CLEC16A: variants seen among roughly 807,000 people sequenced by gnomAD.
CLEC16A encodes C-type lectin domain containing 16A.
CLEC16A carries 51 observed loss-of-function variants against 109.5 expected under a neutral mutation model. That is an observed-to-expected ratio of 0.47 (90% CI 0.37 to 0.59). The LOEUF (loss-of-function observed/expected upper bound fraction) is 0.59, where lower values mean the gene tolerates loss of function less well. Ranked by LOEUF, CLEC16A falls within the 20% of genes least tolerant of loss-of-function variation. CLEC16A has a pLI of 0.00. For synonymous variants in CLEC16A, 673 were observed against 564.2 expected, an observed-to-expected ratio of 1.19 and a Z score of -2.73; for missense variants, 1,339 against 1,394.0, an observed-to-expected ratio of 0.96 and a Z score of 0.63.
chr16:11,131,871 C>A (rs1255576826), intron 22 of CLEC16A, among the ~76,000 whole-genome samples: 2 of 152,010 alleles, frequency 1.3e-5, no homozygotes, highest in South Asian at 4.1e-4. Flanking sequence ...TTCAGCCGCA[C>A]TGGCTGGCTG....
intron 19 of CLEC16A, among the ~76,000 whole-genome samples, chr16:11,099,084 C>A (rs905818915): frequency 1.2e-4 from 18 of 146,238 alleles, no homozygotes; most frequent in Admixed American, 1.2e-3. Flanking sequence ...GCATGGGAGT[C>A]ATAACCCCCA....
At chr16:11,036,606 G>A (rs1445337682) in intron 13 of CLEC16A, among the ~76,000 whole-genome samples, 1 of 145,466 alleles carries the variant, frequency 6.9e-6, no homozygotes, top group African/African-American at 2.6e-5. Flanking sequence ...CTGGACTGCA[G>A]TGGCGCAGTC....
chr16:11,124,426 C>T (rs182548697), intron 21 of CLEC16A, among the ~76,000 whole-genome samples: 163 of 152,322 alleles, frequency 1.1e-3, no homozygotes, highest in African/African-American at 3.8e-3. Context: ...TTCCTCCTTC[C>T]CCTTCCCAGT....
chr16:11,167,727 G>A (rs956606484), intron 23 of CLEC16A, among the ~76,000 whole-genome samples: 3 of 152,152 alleles, frequency 2.0e-5, no homozygotes, highest in African/African-American at 4.8e-5. Context: ...CCACCTCACT[G>A]AGAGATCCTC....
rs2068889956 is a variant in CLEC16A, at chr16:11,179,439, G to T, written c.*749G>T. On this transcript the variant is annotated 3_prime_UTR_variant, in exon 24 of 24. Transcript: ENST00000409790. ...AACAAGGGAGATACATGTATTCTCA[G>T]GTACACACAGAGCTGAGAGGGCTGA... The T allele has an allele frequency of 6.6e-6, 1 of 152,168 alleles. No homozygotes were observed. Among genetic ancestry groups the T allele is most frequent in the Non-Finnish European group, 1.5e-5 (1 of 68,018 alleles). 9.4% of individuals were successfully genotyped at this position (152,168 alleles called of 1,614,324 possible).
In CLEC16A at chr16:10,961,580, C is replaced by G. The variant is rs1363114371; in HGVS notation, c.210-875C>G. On this transcript the variant is annotated intron_variant, in intron 2 of 23. Coordinates refer to ENST00000409790, the MANE Select transcript of CLEC16A (RefSeq NM_015226.3). The surrounding 1 kb of genome is among the most constrained non-coding windows in gnomAD (Gnocchi z 4.3). ...AGACTGAAAGAGCCAACGTGTACCC[C>G]CAGAAGCCAGTGCCGCTAGGCTGTG... Among the ~76,000 whole-genome samples the G allele has an allele frequency of 6.6e-6, 1 of 152,188 alleles. No homozygotes were observed. Among genetic ancestry groups the G allele is most frequent in the Non-Finnish European group, 1.5e-5 (1 of 68,028 alleles).
At chr16:10,988,412 G>A (rs1331835603) in intron 10 of CLEC16A, among the ~76,000 whole-genome samples, 2 of 152,138 alleles carry the variant, frequency 1.3e-5, no homozygotes, top group Non-Finnish European at 2.9e-5. Flanking sequence ...CTCCCATGAG[G>A]ACAGGGACCA....
In CLEC16A at chr16:11,126,340, C is replaced by G; in HGVS notation, c.2641+194C>G. 6.8e-6 allele frequency: 10 copies of G among 1,474,528 alleles called. No individual in the cohort carries two copies. In the South Asian group the frequency reaches 1.4e-4, roughly 20 times the overall value. 91.3% of individuals were successfully genotyped at this position (1,474,528 alleles called of 1,614,324 possible). The stretch of plus-strand genomic sequence containing the variant: ...CCCCCAAAATAAATTTTGGCTTTCC[C>G]TTTAGTGTTTGGTTTGGTTTTCCAG... On this transcript the variant is annotated intron_variant, in intron 22 of 23. Coordinates refer to ENST00000409790, the MANE Select transcript of CLEC16A (RefSeq NM_015226.3).
chr16:10,970,698 C>T (rs7204430), intron 4 of CLEC16A, among the ~76,000 whole-genome samples: 1 of 152,192 alleles, frequency 6.6e-6, no homozygotes. Flanking sequence ...GCCACCACTC[C>T]CAGCCAATCA....
intron 11 of CLEC16A, among the ~76,000 whole-genome samples, chr16:11,004,740 C>T (rs1343743047): frequency 6.6e-6 from 1 of 152,100 alleles, no homozygotes; most frequent in Admixed American, 6.6e-5. Flanking sequence ...TTTCAACAAG[C>T]GTAACCAAAA....
chr16:11,137,750 A>G (rs9888999), intron 22 of CLEC16A, among the ~76,000 whole-genome samples: 6,511 of 152,138 alleles, frequency 0.043, 461 homozygotes, highest in African/African-American at 0.15. Flanking sequence ...TGGAGGTTGC[A>G]GTGAACCAAG....
At chr16:10,978,326 C>T (rs940117491) in intron 8 of CLEC16A, among the ~76,000 whole-genome samples, 1 of 152,150 alleles carries the variant, frequency 6.6e-6, no homozygotes, top group Non-Finnish European at 1.5e-5. Flanking sequence ...GCAGTTCCTC[C>T]GGAGGTAAAA....
chr16:10,951,389 T>G (rs1490312793), intron 1 of CLEC16A, among the ~76,000 whole-genome samples: 1 of 152,214 alleles, frequency 6.6e-6, no homozygotes, highest in Non-Finnish European at 1.5e-5. Flanking sequence ...ATTTGGTGTT[T>G]TTTTAATTTA....
intron 12 of CLEC16A, among the ~76,000 whole-genome samples, chr16:11,021,171 G>A (rs2046077218): frequency 6.6e-6 from 1 of 152,194 alleles, no homozygotes. Flanking sequence ...AAGTGAAGAT[G>A]TGAAGTCCAC....
chr16:11,180,254 C>T lies in CLEC16A; in HGVS notation c.*1564C>T, dbSNP rs2068916674. The T allele has an allele frequency of 6.6e-6, 1 of 152,438 alleles. No homozygotes were observed. Among genetic ancestry groups the T allele is most frequent in the Non-Finnish European group, 1.5e-5 (1 of 68,192 alleles). 9.4% of individuals were successfully genotyped at this position (152,438 alleles called of 1,614,324 possible). On this transcript the variant is annotated 3_prime_UTR_variant, in exon 24 of 24. Coordinates refer to ENST00000409790, the MANE Select transcript of CLEC16A (RefSeq NM_015226.3). ...AGTTTTCAACCTCATGAAGGAAACA[C>T]AGTCCTGCCAAGGAGGGGGAGTGGC...
chr16:11,116,018 A>G lies in CLEC16A; in HGVS notation c.2117-4597A>G, dbSNP rs994789310. Among the ~76,000 whole-genome samples, 7 of 152,144 alleles carry G rather than the reference A, an allele frequency of 4.6e-5. No homozygotes were observed. In the South Asian group the frequency reaches 1.0e-3, roughly 23 times the overall value. ...GAGCCACCGTGCCCAGCCCTAAAAT[A>G]TGTTTTTTAAAAAATATTTTCAAAT... On this transcript the variant is annotated intron_variant, in intron 19 of 23. Transcript: ENST00000409790.
intron 22 of CLEC16A, among the ~76,000 whole-genome samples, chr16:11,154,372 G>A (rs1269174219): frequency 6.6e-6 from 1 of 152,236 alleles, no homozygotes; most frequent in Non-Finnish European, 1.5e-5. Context: ...CTTGAATGCA[G>A]TGTAACATGA....
At chr16:11,172,293 C>G (rs543623552) in intron 23 of CLEC16A, among the ~76,000 whole-genome samples, 2 of 152,314 alleles carry the variant, frequency 1.3e-5, no homozygotes, top group East Asian at 3.9e-4. Flanking sequence ...CCTGCACCTA[C>G]ACATACACAC....
intron 18 of CLEC16A, among the ~76,000 whole-genome samples, chr16:11,060,320 A>T (rs1834912586): frequency 6.8e-6 from 1 of 145,988 alleles, no homozygotes; most frequent in Admixed American, 6.7e-5. Flanking sequence ...GCGGGAGTTG[A>T]AGAGACTCAC....
Sources: gnomAD v4.1 joint callset for allele counts (sites outside exome capture counted in the v4.1 genomes callset) on GRCh38, gnomAD v4.1.1 for gene constraint, Gnocchi (gnomAD v3.1) non-coding constraint, MANE v1.5 for transcripts, NCBI Gene and HGNC (gene_info 2026-07-23, HGNC 2026-07-21) for gene names.